KCND2: variants seen among roughly 807,000 people sequenced by gnomAD.
The protein encoded by KCND2 is potassium voltage-gated channel subfamily D member 2.
KCND2 carries 16 observed loss-of-function variants against 54.4 expected under a neutral mutation model. The ratio of observed to expected loss-of-function variants is 0.29; its 90% CI spans 0.20 to 0.45. The LOEUF (loss-of-function observed/expected upper bound fraction) is 0.45, where lower values mean the gene tolerates loss of function less well. KCND2 is among the 20% of genes least tolerant of loss of function. KCND2 has a pLI of 1.00. For synonymous variants in KCND2, 317 were observed against 310.7 expected (o/e 1.02, Z -0.21); for missense variants, 486 against 824.2 (o/e 0.59, Z 5.02).
chr7:120,559,289 A>G (rs1405474623), intron 1 of KCND2, among the ~76,000 whole-genome samples: 1 of 152,196 alleles, frequency 6.6e-6, no homozygotes, highest in Non-Finnish European at 1.5e-5. Context: ...TTGATAATAG[A>G]TAGAATTAGC....
intron 1 of KCND2, among the ~76,000 whole-genome samples, chr7:120,306,677 A>G (rs1226814064): frequency 2.0e-5 from 3 of 152,052 alleles, no homozygotes; most frequent in Non-Finnish European, 2.9e-5. Flanking sequence ...ATGAAACTCC[A>G]TGTTTATGTG....
chr7:120,393,531 G>C (rs1026033609), intron 1 of KCND2, among the ~76,000 whole-genome samples: 2 of 151,948 alleles, frequency 1.3e-5, no homozygotes, highest in Non-Finnish European at 2.9e-5. Context: ...CAATGTTGTA[G>C]GTGCTTTCTT....
chr7:120,349,682 A>G (rs539683513), intron 1 of KCND2, among the ~76,000 whole-genome samples: 2 of 152,316 alleles, frequency 1.3e-5, no homozygotes, highest in East Asian at 3.9e-4. Flanking sequence ...TTAATTCATT[A>G]CACAAATGTT....
At chr7:120,479,178 A>C (rs973311072) in intron 1 of KCND2, among the ~76,000 whole-genome samples, 1 of 152,136 alleles carries the variant, frequency 6.6e-6, no homozygotes, top group Admixed American at 6.6e-5. Flanking sequence ...AAACAAAGGA[A>C]AAGCAAAATC....
At chr7:120,594,305 G>A (rs1395052277) in intron 1 of KCND2, among the ~76,000 whole-genome samples, 2 of 152,186 alleles carry the variant, frequency 1.3e-5, no homozygotes, top group South Asian at 2.1e-4. Context: ...GAACCCCCTT[G>A]TCTGTAGCAT....
At chr7:120,397,581 AT>A (rs1215240737) in intron 1 of KCND2, among the ~76,000 whole-genome samples, 4 of 151,978 alleles carry the variant, frequency 2.6e-5, no homozygotes, top group African/African-American at 9.7e-5. Flanking sequence ...AAATGTATTG[AT>A]TAACAGCTGA....
intron 1 of KCND2, among the ~76,000 whole-genome samples, chr7:120,517,306 G>T (rs1208051637): frequency 6.6e-6 from 1 of 151,970 alleles, no homozygotes; most frequent in African/African-American, 2.4e-5. Flanking sequence ...TAGATAAAAT[G>T]AGTAGTATTT....
chr7:120,636,711 A>G (rs1793309031), intron 1 of KCND2, among the ~76,000 whole-genome samples: 1 of 152,122 alleles, frequency 6.6e-6, no homozygotes, highest in Admixed American at 6.6e-5. Context: ...GTATGCACTG[A>G]AGAGCTGTCT....
intron 1 of KCND2, among the ~76,000 whole-genome samples, chr7:120,308,288 C>T (rs189170529): frequency 6.6e-6 from 1 of 152,094 alleles, no homozygotes; most frequent in East Asian, 1.9e-4. Flanking sequence ...TGTATGGCTC[C>T]TATAAAGGTC....
At chr7:120,525,112 T>C (rs753197911) in intron 1 of KCND2, among the ~76,000 whole-genome samples, 10 of 152,334 alleles carry the variant, frequency 6.6e-5, no homozygotes, top group Admixed American at 2.6e-4. Context: ...GTTCCTATCA[T>C]TGTTTTAGAT....
chr7:120,640,356 A>G (rs1793355802), intron 1 of KCND2, among the ~76,000 whole-genome samples: 3 of 152,224 alleles, frequency 2.0e-5, no homozygotes, highest in Admixed American at 1.3e-4. Flanking sequence ...GTAAATGTCA[A>G]TAGGCTTCTT....
At chr7:120,423,541 C>A (rs555951109) in intron 1 of KCND2, among the ~76,000 whole-genome samples, 1 of 152,292 alleles carries the variant, frequency 6.6e-6, no homozygotes, top group South Asian at 2.1e-4. Flanking sequence ...TAAATGAATG[C>A]TTGGACATTG....
chr7:120,651,462 G>A (rs1791732255), intron 1 of KCND2, among the ~76,000 whole-genome samples: 1 of 152,172 alleles, frequency 6.6e-6, no homozygotes, highest in African/African-American at 2.4e-5. Flanking sequence ...AAGACTGTTG[G>A]AAAAGTGCAG....
At chr7:120,399,410 G>A (rs1801207898) in intron 1 of KCND2, among the ~76,000 whole-genome samples, 2 of 151,610 alleles carry the variant, frequency 1.3e-5, no homozygotes, top group Admixed American at 1.3e-4. Flanking sequence ...AGGGCATCTT[G>A]CATTTGAGAA....
chr7:120,362,198 A>G (rs1800601934), intron 1 of KCND2, among the ~76,000 whole-genome samples: 2 of 152,080 alleles, frequency 1.3e-5, no homozygotes, highest in Non-Finnish European at 1.5e-5. Flanking sequence ...CTAAATTTTT[A>G]TTGTCCGTTA....
intron 1 of KCND2, among the ~76,000 whole-genome samples, chr7:120,552,432 G>C (rs1792114549): frequency 6.6e-6 from 1 of 152,150 alleles, no homozygotes; most frequent in South Asian, 2.1e-4. Flanking sequence ...AGATTAACAA[G>C]AGAAAAGCAT....
intron 1 of KCND2, among the ~76,000 whole-genome samples, chr7:120,679,852 T>G (rs1792117433): frequency 6.6e-6 from 1 of 152,134 alleles, no homozygotes; most frequent in South Asian, 2.1e-4. Flanking sequence ...GTTCTTTAAT[T>G]TATTCATTTG....
intron 1 of KCND2, among the ~76,000 whole-genome samples, chr7:120,429,226 C>T (rs1801757667): frequency 6.6e-6 from 1 of 152,080 alleles, no homozygotes; most frequent in African/African-American, 2.4e-5. Flanking sequence ...AAGATGTTGA[C>T]CTTTTTACTG....
intron 1 of KCND2, among the ~76,000 whole-genome samples, chr7:120,677,536 GAT>G (rs1562906386): frequency 7.2e-6 from 1 of 138,982 alleles, no homozygotes; most frequent in Non-Finnish European, 1.5e-5. Context: ...TATAGATATA[GAT>G]ATAGATATAG....
Sources: allele counts gnomAD v4.1 joint callset (sites outside exome capture counted in the v4.1 genomes callset), GRCh38; gene constraint gnomAD v4.1.1; transcripts MANE v1.5; gene names NCBI Gene and HGNC (gene_info 2026-07-23, HGNC 2026-07-21).